NFIB: variants seen among roughly 807,000 people sequenced by gnomAD.
NFIB encodes nuclear factor 1 B-type.
In NFIB, 11 loss-of-function variants were observed where a neutral mutation model predicts 61.5. That is an observed-to-expected ratio of 0.18 (90% CI 0.11 to 0.30). The LOEUF (loss-of-function observed/expected upper bound fraction) is 0.30, where lower values mean the gene tolerates loss of function less well. Among genes scored for constraint, NFIB ranks in the 10% least tolerant of loss-of-function variants. The probability of loss-of-function intolerance (pLI) is 1.00; values close to 1 mark genes in which losing one functional copy is unlikely to be tolerated. For synonymous variants in NFIB, 260 were observed against 216.5 expected (o/e 1.20, Z -1.76); for missense variants, 471 against 608.9 (o/e 0.77, Z 2.38).
intron 1 of NFIB, among the ~76,000 whole-genome samples, chr9:14,343,486 G>A (rs557162505): frequency 1.3e-5 from 2 of 152,144 alleles, no homozygotes; most frequent in Admixed American, 6.5e-5. Flanking sequence ...TATTACAAAG[G>A]GTTTATTAAA....
chr9:14,363,256 G>A (rs1307099289), intron 1 of NFIB, among the ~76,000 whole-genome samples: 4 of 152,230 alleles, frequency 2.6e-5, no homozygotes, highest in Middle Eastern at 3.4e-3. Context: ...AGACTACTCC[G>A]TTTGAGGCCC....
the NFIB span, among the ~76,000 whole-genome samples, chr9:14,492,354 C>T: frequency 0.012 from 1,768 of 141,560 alleles, 29 homozygotes; most frequent in African/African-American, 0.043. Context: ...CAGAGTGAGA[C>T]TTTGCCTCAA....
At chr9:14,136,404 C>T (rs192301145) in intron 6 of NFIB, among the ~76,000 whole-genome samples, 1 of 151,996 alleles carries the variant, frequency 6.6e-6, no homozygotes, top group African/African-American at 2.4e-5. Flanking sequence ...GCTATGGAGT[C>T]TTATTAATGT....
At chr9:14,517,595 A>T in the NFIB span, among the ~76,000 whole-genome samples, 2 of 141,508 alleles carry the variant, frequency 1.4e-5, no homozygotes, top group Non-Finnish European at 3.1e-5. Context: ...CCTGCAGTGG[A>T]TGTGTGGTGT....
chr9:14,224,613 C>T (rs2052128158), intron 2 of NFIB, among the ~76,000 whole-genome samples: 1 of 152,172 alleles, frequency 6.6e-6, no homozygotes, highest in Non-Finnish European at 1.5e-5. Context: ...GATATGTAGG[C>T]ACTGTATTAG....
chr9:14,486,186 A>G, the NFIB span, among the ~76,000 whole-genome samples: 43 of 152,330 alleles, frequency 2.8e-4, no homozygotes, highest in African/African-American at 1.0e-3. Context: ...AGAAATAAGA[A>G]GAATATTGAA....
the NFIB span, among the ~76,000 whole-genome samples, chr9:14,474,400 A>G: frequency 1.3e-5 from 2 of 152,120 alleles, no homozygotes; most frequent in Admixed American, 6.5e-5. Flanking sequence ...TCACCCCCCA[A>G]TGACTCCACC....
chr9:14,431,221 C>T, the NFIB span, among the ~76,000 whole-genome samples: 1 of 152,136 alleles, frequency 6.6e-6, no homozygotes, highest in Non-Finnish European at 1.5e-5. Flanking sequence ...ATGAAAACAA[C>T]CATTGGTTAT....
chr9:14,100,237 T>TA (rs2035536458), intron 10 of NFIB, among the ~76,000 whole-genome samples: 1 of 152,148 alleles, frequency 6.6e-6, no homozygotes, highest in South Asian at 2.1e-4. Flanking sequence ...TTTTCTGACT[T>TA]ACTATGACCT....
intron 6 of NFIB, among the ~76,000 whole-genome samples, chr9:14,140,795 A>G (rs1488186894): frequency 2.0e-5 from 3 of 152,120 alleles, no homozygotes; most frequent in African/African-American, 4.8e-5. Flanking sequence ...TTAGCTGGGC[A>G]TGGTGGCAAG....
At chr9:14,514,020 G>T in the NFIB span, among the ~76,000 whole-genome samples, 1 of 152,068 alleles carries the variant, frequency 6.6e-6, no homozygotes, top group Non-Finnish European at 1.5e-5. Context: ...AGTTATTAGG[G>T]CCTTAATAAT....
At chr9:14,141,035 A>G (rs534275688) in intron 6 of NFIB, among the ~76,000 whole-genome samples, 2 of 152,162 alleles carry the variant, frequency 1.3e-5, no homozygotes, top group Admixed American at 1.3e-4. Context: ...TGGCATTTTT[A>G]CTCTCTAGCC....
intron 1 of NFIB, among the ~76,000 whole-genome samples, chr9:14,350,617 A>G (rs1250481003): frequency 1.3e-5 from 2 of 152,300 alleles, no homozygotes; most frequent in East Asian, 3.9e-4. Context: ...GGGAGGGACA[A>G]CAGGGGCTTT....
the NFIB span, among the ~76,000 whole-genome samples, chr9:14,507,953 C>A: frequency 6.9e-6 from 1 of 144,490 alleles, no homozygotes; most frequent in Non-Finnish European, 1.5e-5. Flanking sequence ...CACACAGACA[C>A]AGACACAGAC....
upstream of NFIB, among the ~76,000 whole-genome samples, chr9:14,316,329 A>G (rs1241021536): frequency 6.6e-6 from 1 of 152,158 alleles, no homozygotes; most frequent in Non-Finnish European, 1.5e-5. Context: ...CCAGAGCCCA[A>G]AGAAGAAAGG....
the NFIB span, among the ~76,000 whole-genome samples, chr9:14,515,154 G>A: frequency 6.6e-6 from 1 of 151,980 alleles, no homozygotes; most frequent in African/African-American, 2.4e-5. Flanking sequence ...CTAGCCAGAA[G>A]GATAGAACTG....
intron 8 of NFIB, among the ~76,000 whole-genome samples, chr9:14,119,104 T>C (rs756297663): frequency 2.0e-5 from 3 of 152,256 alleles, no homozygotes; most frequent in Non-Finnish European, 4.4e-5. Context: ...TTGTTATTCA[T>C]GGAAATTCTA....
chr9:14,239,775 T>G (rs1047258441), intron 2 of NFIB, among the ~76,000 whole-genome samples: 5 of 152,242 alleles, frequency 3.3e-5, no homozygotes, highest in Admixed American at 6.5e-5. Flanking sequence ...TTCAGAATAT[T>G]GGAGGAATCT....
At chr9:14,507,376 C>T in the NFIB span, among the ~76,000 whole-genome samples, 5 of 152,196 alleles carry the variant, frequency 3.3e-5, no homozygotes, top group Non-Finnish European at 7.3e-5. Context: ...ACAGTCAACA[C>T]GACAGTTGAT....
Sources: gnomAD v4.1 joint callset for allele counts (sites outside exome capture counted in the v4.1 genomes callset) on GRCh38, gnomAD v4.1.1 for gene constraint, MANE v1.5 for transcripts, NCBI Gene and HGNC (gene_info 2026-07-23, HGNC 2026-07-21) for gene names.